Variants in KCND3 observed in about 807,000 individuals in gnomAD.
KCND3 encodes A-type voltage-gated potassium channel KCND3.
A neutral mutation model predicts 51.1 loss-of-function variants in KCND3; 9 were observed. The observed-to-expected ratio is 0.18, with a 90% CI of 0.11 to 0.31. The LOEUF is 0.31. KCND3 is among the 10% of genes least tolerant of loss of function. The probability of loss-of-function intolerance (pLI) is 1.00; values close to 1 mark genes in which losing one functional copy is unlikely to be tolerated. For missense variants in KCND3, 526 were observed against 903.8 expected (o/e 0.58, Z 5.36); for synonymous variants, 349 against 368.0 (o/e 0.95, Z 0.59).
intron 2 of KCND3, among the ~76,000 whole-genome samples, chr1:111,921,997 G>C (rs749305469): frequency 6.6e-6 from 1 of 152,126 alleles, no homozygotes; most frequent in Non-Finnish European, 1.5e-5. Flanking sequence ...AAATTTTAAC[G>C]CTACTGCAAC....
intron 2 of KCND3, among the ~76,000 whole-genome samples, chr1:111,943,089 G>T (rs1327965738): frequency 1.3e-5 from 2 of 152,160 alleles, no homozygotes; most frequent in Non-Finnish European, 2.9e-5. Context: ...CGGGAGAAGG[G>T]GACACCCAGG....
intron 2 of KCND3, among the ~76,000 whole-genome samples, chr1:111,793,482 CA>C (rs1474456845): frequency 3.3e-5 from 5 of 152,184 alleles, no homozygotes; most frequent in Admixed American, 6.5e-5. Flanking sequence ...CGGCCAGAAG[CA>C]TATTCTTAAA....
chr1:111,987,134 C>T (rs1675327170), intron 1 of KCND3, among the ~76,000 whole-genome samples: 1 of 152,138 alleles, frequency 6.6e-6, no homozygotes, highest in African/African-American at 2.4e-5. Flanking sequence ...TGCCCTTCCC[C>T]TTTCATTCTC....
At chr1:111,962,808 A>G (rs1673737251) in intron 2 of KCND3, among the ~76,000 whole-genome samples, 2 of 152,192 alleles carry the variant, frequency 1.3e-5, no homozygotes, top group Admixed American at 6.5e-5. Flanking sequence ...ATTGAAAGGT[A>G]GAATCTGTTT....
At chr1:111,805,683 G>C (rs4638127) in intron 2 of KCND3, among the ~76,000 whole-genome samples, 13,382 of 152,230 alleles carry the variant, frequency 0.088, 935 homozygotes, top group African/African-American at 0.18. Context: ...AGCGAGGAGC[G>C]GGGGGACATG....
At chr1:111,960,295 G>C (rs1406722657) in intron 2 of KCND3, among the ~76,000 whole-genome samples, 4 of 152,158 alleles carry the variant, frequency 2.6e-5, no homozygotes, top group African/African-American at 9.7e-5. Context: ...TTCAGGGCCT[G>C]ACCAGCTATC....
chr1:111,943,705 C>G (rs190629725), intron 2 of KCND3, among the ~76,000 whole-genome samples: 1 of 152,176 alleles, frequency 6.6e-6, no homozygotes, highest in Non-Finnish European at 1.5e-5. Flanking sequence ...AGGAGGCCAT[C>G]CAGATGTGTT....
At position 111,824,946 on chromosome 1, in the gene KCND3, C is replaced by A. The variant is rs1045271990; in HGVS notation, c.1107-37840G>T. 7.9e-5 allele frequency among the ~76,000 whole-genome samples: 12 copies of A among 152,318 alleles called. No individual in the cohort carries two copies. In the East Asian group the frequency reaches 2.1e-3, roughly 27 times the overall value. On this transcript the variant is annotated intron_variant, in intron 2 of 7. Transcript: ENST00000302127. Reference sequence around the variant, plus strand: ...CCCTGAATAAAGCCTTCTTCCCTGGCAGCACTTGTTGTCTCAGTGATTGGC... The same window carrying A: ...CCCTGAATAAAGCCTTCTTCCCTGGAAGCACTTGTTGTCTCAGTGATTGGC...
intron 1 of KCND3, among the ~76,000 whole-genome samples, chr1:111,986,660 G>C (rs914813768): frequency 2.6e-5 from 4 of 152,212 alleles, no homozygotes; most frequent in Non-Finnish European, 4.4e-5. Flanking sequence ...AATGATCCCT[G>C]ATTCCACTGG....
chr1:111,854,525 G>A (rs1424487702), intron 2 of KCND3, among the ~76,000 whole-genome samples: 1 of 152,132 alleles, frequency 6.6e-6, no homozygotes, highest in Admixed American at 6.5e-5. Flanking sequence ...GAGGTGAGTC[G>A]GTTGTCCAGT....
At chr1:111,898,905 T>C (rs183458480) in intron 2 of KCND3, among the ~76,000 whole-genome samples, 1 of 152,218 alleles carries the variant, frequency 6.6e-6, no homozygotes, top group Admixed American at 6.5e-5. Flanking sequence ...TCCTCTCCTA[T>C]TTAGGTACCA....
chr1:111,979,917 G>A (rs1674847761), intron 2 of KCND3, among the ~76,000 whole-genome samples: 1 of 152,126 alleles, frequency 6.6e-6, no homozygotes. Flanking sequence ...GTCCCATCAA[G>A]GGGCATCTGA....
chr1:111,955,576 C>A (rs768029105), intron 2 of KCND3, among the ~76,000 whole-genome samples: 1 of 152,198 alleles, frequency 6.6e-6, no homozygotes, highest in Non-Finnish European at 1.5e-5. Context: ...ACATGTGCGT[C>A]TCCCTCGCTG....
At chr1:111,951,191 A>C (rs1673047762) in intron 2 of KCND3, among the ~76,000 whole-genome samples, 1 of 148,358 alleles carries the variant, frequency 6.7e-6, no homozygotes, top group East Asian at 2.0e-4. Context: ...AAAAAGACCT[A>C]TAGTAACAAC....
intron 2 of KCND3, among the ~76,000 whole-genome samples, chr1:111,965,061 A>AC (rs142913482): frequency 9.3e-5 from 14 of 150,796 alleles, no homozygotes; most frequent in African/African-American, 3.2e-4. Context: ...GCTTTGCTGC[A>AC]CCCCCCCAAA....
At chr1:111,838,112 C>T (rs6666299) in intron 2 of KCND3, among the ~76,000 whole-genome samples, 6,958 of 152,196 alleles carry the variant, frequency 0.046, 435 homozygotes, top group East Asian at 0.13. Flanking sequence ...CCCTCCTTTC[C>T]GTGATGTACT....
intron 1 of KCND3, among the ~76,000 whole-genome samples, chr1:111,984,815 C>T (rs1675174547): frequency 6.6e-6 from 1 of 152,066 alleles, no homozygotes; most frequent in Non-Finnish European, 1.5e-5. Context: ...AATATCCTTC[C>T]CCTGGACCCC....
At chr1:111,972,374 G>A (rs953943713) in intron 2 of KCND3, among the ~76,000 whole-genome samples, 10 of 151,704 alleles carry the variant, frequency 6.6e-5, no homozygotes, top group African/African-American at 1.7e-4. Context: ...GGGTTTCACC[G>A]TTTTAGCCGG....
chr1:111,977,563 G>A (rs1674705057), intron 2 of KCND3, among the ~76,000 whole-genome samples: 1 of 152,210 alleles, frequency 6.6e-6, no homozygotes, highest in African/African-American at 2.4e-5. Flanking sequence ...ACCAGTAGCA[G>A]TGAGCCATCT....
Sources: gnomAD v4.1 joint callset for allele counts (sites outside exome capture counted in the v4.1 genomes callset) on GRCh38, gnomAD v4.1.1 for gene constraint, MANE v1.5 for transcripts, NCBI Gene and HGNC (gene_info 2026-07-23, HGNC 2026-07-21) for gene names.